KCNQ3: variants seen among roughly 807,000 people sequenced by gnomAD.
The protein encoded by KCNQ3 is potassium voltage-gated channel subfamily KQT member 3.
Under a neutral mutation model 92.5 loss-of-function variants are expected in KCNQ3, and 30 were observed. That is an observed-to-expected ratio of 0.32 (90% CI 0.24 to 0.44). The LOEUF (loss-of-function observed/expected upper bound fraction) is 0.44, where lower values mean the gene tolerates loss of function less well. Ranked by LOEUF, KCNQ3 falls within the 20% of genes least tolerant of loss-of-function variation. The pLI is 1.00. For synonymous variants in KCNQ3, 450 were observed against 468.8 expected, an observed-to-expected ratio of 0.96 and a Z score of 0.52; for missense variants, 913 against 1,140.3, an observed-to-expected ratio of 0.80 and a Z score of 2.87.
At chr8:132,130,082 TTG>T in intron 14 of KCNQ3, 86 bp from the exon 15 acceptor site, 11 of 1,350,948 alleles carry the variant, frequency 8.1e-6, no homozygotes, top group Admixed American at 4.5e-5. Flanking sequence ...TTCTTTTTTT[TTG>T]TTTTTTTTTT....
chr8:132,189,783 G>A (rs1351234443), intron 1 of KCNQ3, among the ~76,000 whole-genome samples: 5 of 149,516 alleles, frequency 3.3e-5, no homozygotes, highest in Non-Finnish European at 3.0e-5. Flanking sequence ...CCGAGATCAT[G>A]CCACTGCACT....
At chr8:132,434,620 T>A (rs1821345030) in intron 1 of KCNQ3, among the ~76,000 whole-genome samples, 1 of 152,212 alleles carries the variant, frequency 6.6e-6, no homozygotes, top group African/African-American at 2.4e-5. Context: ...TTTTTGGAGA[T>A]GATGCCCCAA....
At chr8:132,174,507 T>C (rs752328832) in intron 5 of KCNQ3, among the ~76,000 whole-genome samples, 158 bp from the exon 6 acceptor site, 1 of 152,208 alleles carries the variant, frequency 6.6e-6, no homozygotes, top group Non-Finnish European at 1.5e-5. Flanking sequence ...ACCTACTAAC[T>C]TATATGGATG....
chr8:132,328,625 A>C (rs1157402849), intron 1 of KCNQ3, among the ~76,000 whole-genome samples: 1 of 152,186 alleles, frequency 6.6e-6, no homozygotes, highest in Non-Finnish European at 1.5e-5. Context: ...ACAACTAGAG[A>C]GTTAATATAT....
intron 1 of KCNQ3, among the ~76,000 whole-genome samples, chr8:132,237,245 A>G (rs1462786866): frequency 6.6e-6 from 1 of 152,194 alleles, no homozygotes; most frequent in Non-Finnish European, 1.5e-5. Context: ...ACTGGATAAG[A>G]GTAATGATGA....
At chr8:132,477,661 AC>A (rs1229045223) in intron 1 of KCNQ3, among the ~76,000 whole-genome samples, 2 of 151,920 alleles carry the variant, frequency 1.3e-5, no homozygotes, top group Non-Finnish European at 2.9e-5. Context: ...TCCCACCACC[AC>A]CCCAGTTCAT....
rs1482905744 is a variant in KCNQ3 at position 132,125,478 on chromosome 8, C to T, written c.*3784G>A. ...GGCAGAAACTGTGGTTTTCTTATCTCTGAACTTCCAGTGCACTGCAAAGTT... is the reference window on the plus strand; with the variant it reads ...GGCAGAAACTGTGGTTTTCTTATCTTTGAACTTCCAGTGCACTGCAAAGTT... On this transcript the variant is annotated 3_prime_UTR_variant, in exon 15 of 15. Transcript: ENST00000388996. 1 of 152,166 alleles carries T rather than the reference C, an allele frequency of 6.6e-6. No homozygotes were observed. The highest frequency in any genetic ancestry group is 1.9e-4 in the East Asian group (1 of 5,192). 9.4% of individuals were successfully genotyped at this position (152,166 alleles called of 1,614,324 possible). A position where few individuals can be genotyped will look rare whatever the true frequency, so the allele number is the denominator to read the frequency against.
chr8:132,213,390 A>G (rs1427770179), intron 1 of KCNQ3, among the ~76,000 whole-genome samples: 1 of 152,148 alleles, frequency 6.6e-6, no homozygotes, highest in Non-Finnish European at 1.5e-5. Flanking sequence ...CTGGGGGGAA[A>G]AAGGATTCTG....
chr8:132,129,712 C>T lies in KCNQ3; in HGVS notation c.2169G>A (p.Gly723=). 1 of 1,614,134 alleles carries T rather than the reference C, an allele frequency of 6.2e-7. No individual in the cohort carries two copies. Among genetic ancestry groups the T allele is most frequent in the East Asian group, 2.2e-5 (1 of 44,870 alleles). Reference sequence around the variant, plus strand: ...CCTGAACCTTTCCAGAACTGGGTCCCCCTCGGGGCAGGTTCACAGGGTCAT... The same window carrying T: ...CCTGAACCTTTCCAGAACTGGGTCCTCCTCGGGGCAGGTTCACAGGGTCAT... ...FAHDPVNLPR[G]GPSSGKVQAT... The change falls in exon 15 of 15, where the codon GGG becomes GGA. Residue 723 remains glycine, a synonymous_variant. Coordinates refer to ENST00000388996, the MANE Select transcript of KCNQ3 (RefSeq NM_004519.4). This position sits in a 1 kb window ranked among gnomAD's most constrained non-coding sequence, Gnocchi z 5.9.
intron 1 of KCNQ3, among the ~76,000 whole-genome samples, chr8:132,418,362 G>T (rs142887586): frequency 6.6e-6 from 1 of 152,158 alleles, no homozygotes; most frequent in Non-Finnish European, 1.5e-5. Context: ...GCTGGCAGGA[G>T]AGCAGAAAAA....
chr8:132,203,510 A>T (rs1215134701), intron 1 of KCNQ3, among the ~76,000 whole-genome samples: 1 of 152,226 alleles, frequency 6.6e-6, no homozygotes, highest in Non-Finnish European at 1.5e-5. Flanking sequence ...CTTTACTGGC[A>T]GGCAGTCGTG....
intron 1 of KCNQ3, among the ~76,000 whole-genome samples, chr8:132,468,110 G>A (rs971481438): frequency 1.3e-5 from 2 of 152,226 alleles, no homozygotes; most frequent in Non-Finnish European, 2.9e-5. Context: ...CTGCTGATTA[G>A]TGTGATTAGA....
intron 1 of KCNQ3, among the ~76,000 whole-genome samples, chr8:132,202,971 T>G (rs1264581075): frequency 1.2e-5 from 1 of 83,598 alleles, no homozygotes; most frequent in Non-Finnish European, 2.8e-5. Context: ...ACTGGGCAAT[T>G]TATTTTAAAA....
intron 1 of KCNQ3, 115 bp from the exon 2 acceptor site, chr8:132,186,296 A>G (rs555908057): frequency 1.2e-5 from 9 of 738,140 alleles, no homozygotes; most frequent in East Asian, 2.7e-5. Context: ...GGACATTGAC[A>G]TGTGCTTTAT....
At chr8:132,190,731 A>T (rs987533401) in intron 1 of KCNQ3, among the ~76,000 whole-genome samples, 4 of 152,222 alleles carry the variant, frequency 2.6e-5, no homozygotes, top group Admixed American at 6.5e-5. Flanking sequence ...CTCTTCATGA[A>T]AACTGAGATT....
intron 1 of KCNQ3, among the ~76,000 whole-genome samples, chr8:132,422,456 T>A (rs1444736599): frequency 6.6e-6 from 1 of 152,156 alleles, no homozygotes; most frequent in Non-Finnish European, 1.5e-5. Context: ...AAACTCTCTA[T>A]CCTGCAGGTG....
chr8:132,427,753 C>G (rs554346046), intron 1 of KCNQ3, among the ~76,000 whole-genome samples: 1 of 152,066 alleles, frequency 6.6e-6, no homozygotes, highest in Non-Finnish European at 1.5e-5. Context: ...AGAGGAAGAC[C>G]GGGGGTAAAG....
intron 1 of KCNQ3, among the ~76,000 whole-genome samples, chr8:132,477,692 G>A (rs1822447001): frequency 6.6e-6 from 1 of 152,160 alleles, no homozygotes; most frequent in Non-Finnish European, 1.5e-5. Context: ...TCCTAACACT[G>A]TGGCTTCCTG....
chr8:132,194,666 A>G (rs148781713), intron 1 of KCNQ3, among the ~76,000 whole-genome samples: 1 of 152,356 alleles, frequency 6.6e-6, no homozygotes, highest in East Asian at 1.9e-4. Context: ...GAACCCAGAC[A>G]TGAGAACATA....
Sources: gnomAD v4.1 joint callset for allele counts (sites outside exome capture counted in the v4.1 genomes callset) on GRCh38, gnomAD v4.1.1 for gene constraint, Gnocchi (gnomAD v3.1) non-coding constraint, MANE v1.5 for transcripts, NCBI Gene and HGNC (gene_info 2026-07-23, HGNC 2026-07-21) for gene names.